The following URI1 variants were observed in gnomAD, a reference collection of about 807,000 sequenced individuals.
URI1 encodes the protein unconventional prefoldin RPB5 interactor 1.
A neutral mutation model predicts 60.2 loss-of-function variants in URI1; 39 were observed. That is an observed-to-expected ratio of 0.65 (90% CI 0.50 to 0.85). The LOEUF (loss-of-function observed/expected upper bound fraction) is 0.85, where lower values mean the gene tolerates loss of function less well. Among genes scored for constraint, URI1 ranks in the 40% least tolerant of loss-of-function variants. The probability of loss-of-function intolerance (pLI) is 0.00; values close to 1 mark genes in which losing one functional copy is unlikely to be tolerated. For synonymous variants in URI1, 251 were observed against 236.8 expected (o/e 1.06, Z -0.55); for missense variants, 691 against 665.9 (o/e 1.04, Z -0.42).
chr19:30,012,134 A>C (rs1418118659), intron 9 of URI1, 151 bp from the exon 10 acceptor site: 4 of 909,760 alleles, frequency 4.4e-6, no homozygotes, highest in East Asian at 2.8e-5. Context: ...TGAGGCTATA[A>C]AATTATTGTG....
rs2056085584 is a variant in URI1 at position 30,016,356 on chromosome 19, T to G, written c.*1287T>G. 6.6e-6 allele frequency: 1 copy of G among 152,118 alleles called. No individual in the cohort carries two copies. Among genetic ancestry groups the G allele is most frequent in the Admixed American group, 6.6e-5 (1 of 15,258 alleles). 9.4% of individuals were successfully genotyped at this position (152,118 alleles called of 1,614,324 possible). On this transcript the variant is annotated 3_prime_UTR_variant, in exon 11 of 11. Coordinates refer to ENST00000392271, the MANE Select transcript of URI1 (RefSeq NM_003796.3). The stretch of plus-strand genomic sequence containing the variant: ...TGAAAGATCACCTAAAAATGTAGAT[T>G]TGTTCTTTAGTAAATTTAGATCAAC...
At chr19:30,011,940 C>G (rs559662876) in intron 9 of URI1, among the ~76,000 whole-genome samples, 1 of 151,856 alleles carries the variant, frequency 6.6e-6, no homozygotes, top group East Asian at 1.9e-4. Flanking sequence ...GGAGATACAC[C>G]TAATGTAAAT....
At chr19:30,012,264 T>A in intron 9 of URI1, 21 bp from the exon 10 acceptor site, 1 of 1,599,860 alleles carries the variant, frequency 6.3e-7, no homozygotes, top group South Asian at 1.1e-5. Context: ...AGTGAATGCA[T>A]ATGTGTTTTG....
intron 3 of URI1, among the ~76,000 whole-genome samples, chr19:29,985,690 G>A (rs549018488): frequency 1.1e-4 from 17 of 152,180 alleles, no homozygotes; most frequent in Non-Finnish European, 1.8e-4. Context: ...ATATAAAAAC[G>A]TGCTGCTAAT....
chr19:29,928,075 G>C (rs1277565776), intron 1 of URI1, among the ~76,000 whole-genome samples: 1 of 152,046 alleles, frequency 6.6e-6, no homozygotes, highest in African/African-American at 2.4e-5. Flanking sequence ...TGATCTGGTT[G>C]ACTGCCCTAC....
chr19:30,007,365 T>A, intron 6 of URI1, 105 bp from the exon 7 acceptor site: 2 of 1,285,070 alleles, frequency 1.6e-6, no homozygotes. Context: ...GTGACCCCTC[T>A]GTTTCAATAT....
intron 1 of URI1, among the ~76,000 whole-genome samples, chr19:29,946,546 C>T (rs1288801142): frequency 6.6e-6 from 1 of 152,010 alleles, no homozygotes; most frequent in Non-Finnish European, 1.5e-5. Flanking sequence ...TAATTGAGTG[C>T]CTCATGTAGT....
intron 2 of URI1, 90 bp from the exon 3 acceptor site, chr19:29,985,133 A>G (rs1599702264): frequency 1.9e-4 from 1 of 5,392 alleles, no homozygotes; most frequent in South Asian, 5.7e-3. Flanking sequence ...AAAAAAAAAA[A>G]AAAAAAAAAA....
At chr19:29,929,617 TAA>T in intron 1 of URI1, among the ~76,000 whole-genome samples, 1 of 151,852 alleles carries the variant, frequency 6.6e-6, no homozygotes, top group Non-Finnish European at 1.5e-5. Context: ...AGAAATAAAA[TAA>T]AAAAATAAAA....
rs1275751872 is a variant in URI1, at chr19:29,925,669, C to T, written c.63+1915C>T. 6 of 152,142 alleles carry T rather than the reference C, an allele frequency of 3.9e-5. No individual in the cohort carries two copies. In the South Asian group the frequency reaches 6.2e-4, roughly 16 times the overall value. The allele number at this position is 152,142 out of a possible 1,614,324, so 9.4% of individuals were successfully genotyped here. A position where few individuals can be genotyped will look rare whatever the true frequency, so the allele number is the denominator to read the frequency against. On this transcript the variant is annotated intron_variant, in intron 1 of 10. Coordinates refer to the URI1 transcript ENST00000360605. Reference sequence around the variant, plus strand: ...ACTGGAAACAGGATGGCTTCGTGGGCGTGTGTGACTTACACAGGGCTGTGC... The same window carrying T: ...ACTGGAAACAGGATGGCTTCGTGGGTGTGTGTGACTTACACAGGGCTGTGC...
intron 10 of URI1, 109 bp downstream of exon 10, chr19:30,012,640 T>C: frequency 7.5e-7 from 1 of 1,340,102 alleles, no homozygotes; most frequent in Non-Finnish European, 1.0e-6. Context: ...TTTTATACTT[T>C]CTTGGTACTA....
intron 4 of URI1, among the ~76,000 whole-genome samples, chr19:30,003,585 T>G (rs1001324625): frequency 5.3e-5 from 8 of 152,106 alleles, no homozygotes; most frequent in African/African-American, 1.9e-4. Context: ...GTTTCTTAAA[T>G]GGAATATTCA....
At chr19:29,939,691 T>C (rs2088680804), upstream of URI1, among the ~76,000 whole-genome samples, 1 of 152,184 alleles carries the variant, frequency 6.6e-6, no homozygotes, top group Non-Finnish European at 1.5e-5. Context: ...AAGAAAGCCC[T>C]GTTATTATTT....
chr19:29,945,019 A>G (rs1340528060), intron 1 of URI1, among the ~76,000 whole-genome samples: 1 of 152,248 alleles, frequency 6.6e-6, no homozygotes, highest in African/African-American at 2.4e-5. Flanking sequence ...GGAAAATGTC[A>G]TAGTAGCTTC....
intron 1 of URI1, among the ~76,000 whole-genome samples, chr19:29,945,431 T>C (rs1039998868): frequency 2.0e-5 from 3 of 152,186 alleles, no homozygotes; most frequent in Non-Finnish European, 4.4e-5. Flanking sequence ...GACAAAAAAT[T>C]GGCAACCTGA....
chr19:29,950,383 T>C (rs1484853779), intron 1 of URI1, among the ~76,000 whole-genome samples: 2 of 150,444 alleles, frequency 1.3e-5, no homozygotes, highest in African/African-American at 2.4e-5. Context: ...CTTGCCCTTA[T>C]CTCCAGAGTG....
Position 30,014,912 on chromosome 19 carries a change from A to G in URI1, c.1451A>G (p.Lys484Arg). 1 of 1,612,698 alleles carries G rather than the reference A, an allele frequency of 6.2e-7. No individual in the cohort carries two copies. Among genetic ancestry groups the G allele is most frequent in the Non-Finnish European group, 8.5e-7 (1 of 1,179,126 alleles). Reference sequence around the variant, plus strand: ...GCTTTTTCTGGAACTGTTATAGAAAAAGAATTTGTATCACCTTCCTTAACA... The same window carrying G: ...GCTTTTTCTGGAACTGTTATAGAAAGAGAATTTGTATCACCTTCCTTAACA... ...PEAFSGTVIE[K>R]EFVSPSLTPP... Residue 484 changes from lysine to arginine, a missense_variant, in exon 11 of 11, where the codon AAA becomes AGA. Transcript: ENST00000392271.
upstream of URI1, among the ~76,000 whole-genome samples, chr19:29,940,341 T>C (rs778785299): frequency 1.3e-5 from 2 of 152,088 alleles, no homozygotes; most frequent in Non-Finnish European, 2.9e-5. Flanking sequence ...GGGAGCACTT[T>C]TGAAGAATGA....
chr19:29,941,215 TGC>T (rs372825643), upstream of URI1, among the ~76,000 whole-genome samples: 89 of 152,308 alleles, frequency 5.8e-4, no homozygotes, highest in African/African-American at 2.0e-3. Flanking sequence ...CCATCTTTAC[TGC>T]TAGCGACTGC....
Sources: gnomAD v4.1 joint callset for allele counts (sites outside exome capture counted in the v4.1 genomes callset) on GRCh38, gnomAD v4.1.1 for gene constraint, MANE v1.5 for transcripts, NCBI Gene and HGNC (gene_info 2026-07-23, HGNC 2026-07-21) for gene names.